PCDH15: variants seen among roughly 807,000 people sequenced by gnomAD.
PCDH15 encodes protocadherin related 15, also known as protocadherin-15.
A neutral mutation model predicts 178.5 loss-of-function variants in PCDH15; 129 were observed. The ratio of observed to expected loss-of-function variants is 0.72; its 90% confidence interval spans 0.63 to 0.84. PCDH15 has a LOEUF of 0.84. Among genes scored for constraint, PCDH15 ranks in the 40% least tolerant of loss-of-function variants. PCDH15 has a pLI of 0.00. For missense variants in PCDH15, 2,230 were observed against 2,099.9 expected (o/e 1.06, Z -1.21); for synonymous variants, 800 against 732.0 (o/e 1.09, Z -1.50).
At chr10:53,933,712 T>C (rs1418243596) in intron 25 of PCDH15, among the ~76,000 whole-genome samples, 3 of 152,178 alleles carry the variant, frequency 2.0e-5, no homozygotes, top group African/African-American at 7.2e-5. Flanking sequence ...CTGGGTCAAA[T>C]GGTATTTCTA....
At chr10:54,353,483 AAATAT>A (rs1944477046) in intron 5 of PCDH15, among the ~76,000 whole-genome samples, 1 of 152,156 alleles carries the variant, frequency 6.6e-6, no homozygotes, top group Non-Finnish European at 1.5e-5. Context: ...CCTACACAAA[AAATAT>A]AATATTTTTA....
intron 32 of PCDH15, 81 bp downstream of exon 32, chr10:53,827,312 A>G: frequency 6.7e-7 from 1 of 1,489,076 alleles, no homozygotes; most frequent in Non-Finnish European, 9.0e-7. Context: ...GCATTTCCAC[A>G]TCAGATTGAA....
chr10:55,026,385 CATATATT>C (rs1225253274), intron 2 of PCDH15, among the ~76,000 whole-genome samples: 8 of 151,856 alleles, frequency 5.3e-5, no homozygotes, highest in Admixed American at 5.3e-4. Context: ...AATATTATGT[CATATATT>C]ATATAACAAC....
intron 2 of PCDH15, among the ~76,000 whole-genome samples, chr10:54,569,103 A>C (rs945491357): frequency 6.6e-6 from 1 of 152,040 alleles, no homozygotes; most frequent in African/African-American, 2.4e-5. Flanking sequence ...GATATTTAAA[A>C]AATAAAAGAA....
chr10:54,528,330 A>G (rs1032670064), intron 2 of PCDH15: 14 of 1,474,144 alleles, frequency 9.5e-6, no homozygotes, highest in Non-Finnish European at 1.2e-5. Flanking sequence ...AGAATAAAAC[A>G]AAGACAGACA....
chr10:54,142,378 A>G (rs2043492457), intron 14 of PCDH15, among the ~76,000 whole-genome samples: 1 of 151,976 alleles, frequency 6.6e-6, no homozygotes. Context: ...CTTCAGACAC[A>G]GGAGAAGGTG....
intron 1 of PCDH15, among the ~76,000 whole-genome samples, chr10:55,314,193 T>TTG (rs1205775684): frequency 0.013 from 1,591 of 123,530 alleles, 21 homozygotes; most frequent in African/African-American, 0.055. Context: ...TTATATATGT[T>TTG]TGTGTGTATA....
intron 27 of PCDH15, among the ~76,000 whole-genome samples, chr10:53,866,422 T>C (rs1057364325): frequency 2.1e-5 from 3 of 145,500 alleles, no homozygotes; most frequent in South Asian, 4.3e-4. Context: ...TCAAGAAAAA[T>C]AAACACCTTA....
chr10:54,816,915 C>T (rs187258875), intron 3 of PCDH15, among the ~76,000 whole-genome samples: 181 of 152,020 alleles, frequency 1.2e-3, no homozygotes, highest in African/African-American at 4.3e-3. Flanking sequence ...AACTTCAGTG[C>T]CCACTCCAGA....
At chr10:54,376,162 T>C (rs1948395004) in intron 4 of PCDH15, among the ~76,000 whole-genome samples, 1 of 151,736 alleles carries the variant, frequency 6.6e-6, no homozygotes. Flanking sequence ...CCCAAAGTGC[T>C]GGGATTACAG....
chr10:55,367,424 T>TA (rs1274096426), intron 2 of PCDH15, among the ~76,000 whole-genome samples: 1 of 151,650 alleles, frequency 6.6e-6, no homozygotes, highest in South Asian at 2.1e-4. Context: ...CGCCACATAA[T>TA]AAAAAAGTTA....
At chr10:55,529,133 T>C (rs1212979294) in intron 2 of PCDH15, among the ~76,000 whole-genome samples, 1 of 152,140 alleles carries the variant, frequency 6.6e-6, no homozygotes, top group East Asian at 1.9e-4. Flanking sequence ...ATTAGCCCTT[T>C]GTCAGATGAG....
At position 55,052,537 on chromosome 10, in the gene PCDH15, C is replaced by CAAAAAAAAAAAAAAAAAAA. The variant is rs71014444; in HGVS notation, c.-80+114020_-80+114038dup. On this transcript the variant is annotated intron_variant, in intron 2 of 5. Coordinates refer to the PCDH15 transcript ENST00000458638. Reference sequence around the variant, plus strand: ...AACATGGCGAAAACCCCGTCTCATACAAAAAAAAAAAAAAAAAAAAAAAAA... The same window carrying CAAAAAAAAAAAAAAAAAAA: ...AACATGGCGAAAACCCCGTCTCATACAAAAAAAAAAAAAAAAAAAAAAAAAAAAAAAAAAAAAAAAAAAA... Among the ~76,000 whole-genome samples the CAAAAAAAAAAAAAAAAAAA allele has an allele frequency of 5.1e-5, 2 of 39,362 alleles. 1 individual carries two copies. Among genetic ancestry groups the CAAAAAAAAAAAAAAAAAAA allele is most frequent in the African/African-American group, 1.8e-4 (2 of 11,390 alleles). The allele number at this position is 39,362 out of a possible 152,430, so 25.8% of individuals were successfully genotyped here.
intron 13 of PCDH15, among the ~76,000 whole-genome samples, chr10:54,169,019 G>T (rs529841257): frequency 6.6e-6 from 1 of 152,132 alleles, no homozygotes; most frequent in Non-Finnish European, 1.5e-5. Flanking sequence ...CCTCCCACAG[G>T]AGCTTGCTAC....
upstream of PCDH15, among the ~76,000 whole-genome samples, chr10:54,805,442 A>C: frequency 6.6e-6 from 1 of 152,128 alleles, no homozygotes; most frequent in East Asian, 1.9e-4. Context: ...TCACAAAAAG[A>C]CCTTAACCAG....
Position 53,803,400 on chromosome 10 carries a change from T to C in PCDH15, c.*3179A>G, listed in dbSNP as rs1458746678. On this transcript the variant is annotated 3_prime_UTR_variant, in exon 38 of 38. Coordinates refer to ENST00000644397, the MANE Select transcript of PCDH15 (RefSeq NM_001384140.1). ...CAATATTCAATTACTTCTGGCTCTATGATATAAAAATGTTTTTAAATAATA... is the reference window on the plus strand; with the variant it reads ...CAATATTCAATTACTTCTGGCTCTACGATATAAAAATGTTTTTAAATAATA... 6.6e-6 allele frequency: 1 copy of C among 151,968 alleles called. No homozygotes were observed. The highest frequency in any genetic ancestry group is 1.5e-5 in the Non-Finnish European group (1 of 67,886). The allele number at this position is 151,968 out of a possible 1,614,324, so 9.4% of individuals were successfully genotyped here. A position where few individuals can be genotyped will look rare whatever the true frequency, so the allele number is the denominator to read the frequency against.
At chr10:54,414,992 G>A (rs1954110755) in intron 3 of PCDH15, among the ~76,000 whole-genome samples, 1 of 151,902 alleles carries the variant, frequency 6.6e-6, no homozygotes, top group African/African-American at 2.4e-5. Flanking sequence ...CAATTGATGT[G>A]GTAAAACGTG....
At position 55,075,701 on chromosome 10, in the gene PCDH15, C is replaced by T. The variant is rs149631195; in HGVS notation, c.-80+90875G>A. Among the ~76,000 whole-genome samples the T allele has an allele frequency of 4.9e-3, 738 of 150,152 alleles. 4 individuals carry two copies. The highest frequency in any genetic ancestry group is 0.017 in the African/African-American group (706 of 40,802). On this transcript the variant is annotated intron_variant, in intron 2 of 5. Coordinates refer to the PCDH15 transcript ENST00000458638. ...CAAGAATCAGCTTTTTGTTTTACTC[C>T]TCCTTTGTATTTTTTTTTTCAGTCT...
intron 5 of PCDH15, among the ~76,000 whole-genome samples, chr10:54,353,083 A>G (rs1944421390): frequency 1.3e-5 from 2 of 152,148 alleles, no homozygotes; most frequent in Non-Finnish European, 2.9e-5. Flanking sequence ...CAATTATGAA[A>G]TTACAATGTC....
Sources: allele counts gnomAD v4.1 joint callset (sites outside exome capture counted in the v4.1 genomes callset), GRCh38; gene constraint gnomAD v4.1.1; transcripts MANE v1.5; gene names NCBI Gene and HGNC (gene_info 2026-07-23, HGNC 2026-07-21).